The following TFPI variants were observed in gnomAD, a reference collection of about 807,000 sequenced individuals.
The protein encoded by TFPI is anti-convertin.
TFPI carries 15 observed loss-of-function variants against 34.6 expected under a neutral mutation model. The ratio of observed to expected loss-of-function variants is 0.43; its 90% confidence interval spans 0.29 to 0.67. The LOEUF (loss-of-function observed/expected upper bound fraction) is 0.67. TFPI is among the 30% of genes least tolerant of loss of function. TFPI has a pLI of 0.15. For missense variants in TFPI, 301 were observed against 364.0 expected (o/e 0.83, Z 1.41); for synonymous variants, 105 against 120.1 (o/e 0.87, Z 0.82).
At chr2:187,501,038 T>C (rs8176429) in intron 2 of TFPI, among the ~76,000 whole-genome samples, 5,602 of 152,210 alleles carry the variant, frequency 0.037, 324 homozygotes, top group African/African-American at 0.13. Flanking sequence ...GAGTGAACAG[T>C]AGGATACCTA....
intron 3 of TFPI, among the ~76,000 whole-genome samples, chr2:187,494,746 T>A (rs576540656): frequency 5.3e-5 from 8 of 152,226 alleles, no homozygotes; most frequent in Non-Finnish European, 7.4e-5. Flanking sequence ...TTTTTTTTCA[T>A]GGAGTCTTCC....
chr2:187,488,499 T>C, intron 3 of TFPI, 124 bp from the exon 4 acceptor site: 1 of 525,350 alleles, frequency 1.9e-6, no homozygotes, highest in East Asian at 3.6e-5. Context: ...ACAGAATGTC[T>C]TAATAAAAAT....
chr2:187,517,814 T>A (rs1350388373), intron 1 of TFPI: 2 of 152,226 alleles, frequency 1.3e-5, no homozygotes, highest in East Asian at 3.8e-4. Context: ...GATTTATGAA[T>A]CTGGGTGCTC....
chr2:187,480,993 C>A (rs528039791), intron 6 of TFPI, among the ~76,000 whole-genome samples: 3 of 152,018 alleles, frequency 2.0e-5, no homozygotes, highest in Admixed American at 1.3e-4. Context: ...TTTAAAAAGT[C>A]ATATTATGAT....
intron 1 of TFPI, among the ~76,000 whole-genome samples, chr2:187,546,501 A>G (rs189640272): frequency 1.3e-5 from 2 of 152,240 alleles, no homozygotes; most frequent in East Asian, 3.9e-4. Flanking sequence ...AAAATTCTGC[A>G]CAACTACAAA....
chr2:187,507,559 G>A (rs1384066796), intron 1 of TFPI, among the ~76,000 whole-genome samples: 1 of 152,076 alleles, frequency 6.6e-6, no homozygotes, highest in Admixed American at 6.6e-5. Context: ...CATTCTAACT[G>A]ACCAGTGATG....
intron 2 of TFPI, among the ~76,000 whole-genome samples, chr2:187,502,312 C>G (rs745600137): frequency 1.1e-4 from 17 of 152,130 alleles, no homozygotes; most frequent in Non-Finnish European, 1.8e-4. Flanking sequence ...TTTTCTCAGT[C>G]CAGTTGAGGA....
chr2:187,499,273 A>G (rs1467739778), intron 2 of TFPI, among the ~76,000 whole-genome samples: 1 of 152,042 alleles, frequency 6.6e-6, no homozygotes, highest in Admixed American at 6.6e-5. Context: ...TTTTTCTTAA[A>G]TTAGATACAC....
chr2:187,512,753 C>CA (rs986248414), intron 1 of TFPI, among the ~76,000 whole-genome samples: 136 of 148,974 alleles, frequency 9.1e-4, no homozygotes, highest in African/African-American at 2.9e-3. Flanking sequence ...TTATCATCTT[C>CA]AAAAAAAAGG....
At chr2:187,554,117 C>G (rs796096540) in intron 1 of TFPI, 83 bp downstream of exon 1, 22 of 151,932 alleles carry the variant, frequency 1.4e-4, no homozygotes, top group African/African-American at 5.3e-4. Context: ...AGTTCTTTGC[C>G]TCTCAGCACC....
intron 1 of TFPI, among the ~76,000 whole-genome samples, chr2:187,533,386 T>G (rs1157179675): frequency 1.3e-5 from 2 of 152,174 alleles, no homozygotes; most frequent in East Asian, 3.9e-4. Flanking sequence ...TAATCTTAGC[T>G]GTTCTACAGC....
chr2:187,546,202 T>G (rs143756174), intron 1 of TFPI, among the ~76,000 whole-genome samples: 69 of 152,182 alleles, frequency 4.5e-4, no homozygotes, highest in African/African-American at 8.9e-4. Flanking sequence ...GCCTGTTCTA[T>G]GTATAGTTGT....
At chr2:187,506,657 T>C (rs1686240139) in intron 1 of TFPI, among the ~76,000 whole-genome samples, 1 of 152,078 alleles carries the variant, frequency 6.6e-6, no homozygotes, top group Non-Finnish European at 1.5e-5. Context: ...ATAATACTGG[T>C]CAGGTATTTT....
Position 187,488,834 on chromosome 2 carries a change from A to G in TFPI, c.320-459T>C, listed in dbSNP as rs1423586757. 3.3e-5 allele frequency among the ~76,000 whole-genome samples: 5 copies of G among 151,640 alleles called. No individual in the cohort carries two copies. In the East Asian group the frequency reaches 7.7e-4, roughly 23 times the overall value. ...TCCCCTGCTTCGTTGTCTCAATCCA[A>G]TTGCAAGTTTCATTATTATTACCAA... On this transcript the variant is annotated intron_variant, in intron 3 of 7. Coordinates refer to ENST00000233156, the MANE Select transcript of TFPI (RefSeq NM_006287.6).
In TFPI at chr2:187,497,046, A is replaced by T. The variant is rs775790816; in HGVS notation, c.154T>A (p.Ser52Thr). Residue 52 changes from serine (S) to threonine (T), a missense_variant, in exon 3 of 8, where the codon TCA becomes ACA. Physicochemically the swap from Ser to Thr is moderately conservative, Grantham distance 58. Transcript: ENST00000233156. The part of the protein sequence containing the change: ...TELPPLKLMH[S>T]FCAFKADDGP... ...TCATCCGCCTTGAATGCACAAAATG[A>T]ATGCATAAGTTTCAGTGGTGGCAAC... is the stretch of plus-strand genomic sequence containing the variant. 6.2e-7 allele frequency: 1 copy of T among 1,613,124 alleles called. No individual in the cohort carries two copies.
At chr2:187,483,828 A>T (rs1214739418) in intron 6 of TFPI, 1 of 344,128 alleles carries the variant, frequency 2.9e-6, no homozygotes, top group East Asian at 7.4e-5. Flanking sequence ...GATAATTCCT[A>T]GCACCATTTT....
intron 1 of TFPI, among the ~76,000 whole-genome samples, chr2:187,528,275 T>C (rs536273034): frequency 2.1e-4 from 32 of 152,074 alleles, no homozygotes; most frequent in Non-Finnish European, 4.6e-4. Context: ...GGCAAAGAAG[T>C]TCACCCAACA....
intron 1 of TFPI, among the ~76,000 whole-genome samples, chr2:187,553,008 C>T (rs746284320): frequency 2.0e-5 from 3 of 151,964 alleles, no homozygotes; most frequent in Admixed American, 6.6e-5. Flanking sequence ...ACATTTCAAA[C>T]TCAGCCAAAT....
At position 187,540,627 on chromosome 2, in the gene TFPI, C is replaced by T. The variant is rs1202387374; in HGVS notation, c.-3+13573G>A. Reference sequence around the variant, plus strand: ...TAAACCAGCCAGGAGGGGTGGCTCACGCTTGTAATCCCAACGCTTTGGGAG... The same window carrying T: ...TAAACCAGCCAGGAGGGGTGGCTCATGCTTGTAATCCCAACGCTTTGGGAG... On this transcript the variant is annotated intron_variant, in intron 1 of 7. Coordinates refer to ENST00000233156, the MANE Select transcript of TFPI (RefSeq NM_006287.6). Among the ~76,000 whole-genome samples the T allele has an allele frequency of 2.6e-5, 4 of 151,972 alleles. No individual in the cohort carries two copies. The East Asian group carries it at 5.8e-4, about 22-fold the overall frequency.
Sources: gnomAD v4.1 joint callset for allele counts (sites outside exome capture counted in the v4.1 genomes callset) on GRCh38, gnomAD v4.1.1 for gene constraint, MANE v1.5 for transcripts, NCBI Gene and HGNC (gene_info 2026-07-23, HGNC 2026-07-21) for gene names.